RYR3: variants seen among roughly 807,000 people sequenced by gnomAD.
RYR3 encodes the protein brain ryanodine receptor-calcium release channel.
Under a neutral mutation model 584.3 loss-of-function variants are expected in RYR3, and 207 were observed. The ratio of observed to expected loss-of-function variants is 0.35; its 90% confidence interval spans 0.32 to 0.40. The LOEUF (loss-of-function observed/expected upper bound fraction) is 0.40. RYR3 is among the 10% of genes least tolerant of loss of function. RYR3 has a pLI of 1.00. For missense variants in RYR3, 5,616 were observed against 6,089.2 expected, an observed-to-expected ratio of 0.92 and a Z score of 2.59; for synonymous variants, 2,416 against 2,248.5, an observed-to-expected ratio of 1.07 and a Z score of -2.11.
chr15:33,811,495 A>G (rs2076541340), intron 72 of RYR3, among the ~76,000 whole-genome samples: 1 of 141,842 alleles, frequency 7.1e-6, no homozygotes, highest in Non-Finnish European at 1.5e-5. Flanking sequence ...TGGGTAACAG[A>G]GCAAGACTCC....
chr15:33,444,715 G>T (rs954231074), intron 1 of RYR3, among the ~76,000 whole-genome samples: 1 of 152,216 alleles, frequency 6.6e-6, no homozygotes, highest in African/African-American at 2.4e-5. Flanking sequence ...ACACAGCAAA[G>T]CTGGCAAAAG....
chr15:33,778,470 G>T (rs943616451), intron 64 of RYR3, among the ~76,000 whole-genome samples: 1 of 152,146 alleles, frequency 6.6e-6, no homozygotes, highest in African/African-American at 2.4e-5. Flanking sequence ...AGTTGTCACC[G>T]AGGGAATTGG....
chr15:33,493,300 TTC>T (rs1020072626), intron 2 of RYR3, among the ~76,000 whole-genome samples: 2 of 152,168 alleles, frequency 1.3e-5, no homozygotes, highest in African/African-American at 2.4e-5. Flanking sequence ...ATTCTGCCTT[TTC>T]TCTCTCCTGG....
intron 7 of RYR3, among the ~76,000 whole-genome samples, chr15:33,542,001 T>C (rs1431063428): frequency 6.6e-6 from 1 of 152,162 alleles, no homozygotes; most frequent in Non-Finnish European, 1.5e-5. Context: ...AATTATTTCC[T>C]GGTCCCAACA....
At chr15:33,648,468 T>C (rs1220213419) in intron 30 of RYR3, among the ~76,000 whole-genome samples, 1 of 152,242 alleles carries the variant, frequency 6.6e-6, no homozygotes, top group Non-Finnish European at 1.5e-5. Flanking sequence ...CCATGGATTG[T>C]ATGAGCCCTG....
intron 1 of RYR3, among the ~76,000 whole-genome samples, chr15:33,359,747 T>C (rs1057177275): frequency 6.6e-6 from 1 of 152,032 alleles, no homozygotes; most frequent in African/African-American, 2.4e-5. Flanking sequence ...GCCTCCGAAG[T>C]AGCTGGGACT....
chr15:33,792,836 T>C (rs929485420), intron 67 of RYR3, among the ~76,000 whole-genome samples: 2 of 152,196 alleles, frequency 1.3e-5, no homozygotes, highest in African/African-American at 4.8e-5. Context: ...TAACCAAATA[T>C]GTGTCAGTTG....
intron 2 of RYR3, among the ~76,000 whole-genome samples, chr15:33,493,925 AATGATGATG>A (rs572261298): frequency 1.9e-4 from 29 of 149,390 alleles, no homozygotes; most frequent in East Asian, 7.7e-4. Flanking sequence ...TCAAAATAAT[AATGATGATG>A]ATGATGATGA....
At chr15:33,422,644 C>CAG (rs143193767) in intron 1 of RYR3, among the ~76,000 whole-genome samples, 8 of 151,442 alleles carry the variant, frequency 5.3e-5, no homozygotes, top group Admixed American at 2.6e-4. Context: ...CGTGGGCAAG[C>CAG]AGAGAGAGAG....
chr15:33,593,601 G>A (rs1220037593), intron 16 of RYR3, among the ~76,000 whole-genome samples: 6 of 152,154 alleles, frequency 3.9e-5, no homozygotes, highest in Middle Eastern at 3.4e-3. Flanking sequence ...GTCTGGCTTC[G>A]GTACACAGGG....
At chr15:33,645,104 A>G (rs561579868) in intron 28 of RYR3, among the ~76,000 whole-genome samples, 2 of 152,282 alleles carry the variant, frequency 1.3e-5, no homozygotes, top group East Asian at 3.9e-4. Context: ...TTACCCACTC[A>G]TGACTTGATG....
At chr15:33,405,800 C>A (rs1175769093) in intron 1 of RYR3, among the ~76,000 whole-genome samples, 1 of 152,190 alleles carries the variant, frequency 6.6e-6, no homozygotes, top group Non-Finnish European at 1.5e-5. Flanking sequence ...ACGATTTAGA[C>A]AATGTCATTA....
chr15:33,322,304 T>C (rs767253991), intron 1 of RYR3, among the ~76,000 whole-genome samples: 17 of 152,072 alleles, frequency 1.1e-4, no homozygotes, highest in Non-Finnish European at 1.8e-4. Flanking sequence ...CTTTTCGGCA[T>C]AGTGAAAAGC....
At chr15:33,692,453 C>A (rs186527149) in intron 38 of RYR3, among the ~76,000 whole-genome samples, 2 of 152,108 alleles carry the variant, frequency 1.3e-5, no homozygotes, top group East Asian at 3.9e-4. Context: ...AATTTTATTT[C>A]TTTTCATAGT....
intron 10 of RYR3, among the ~76,000 whole-genome samples, chr15:33,560,909 G>GA (rs923553974): frequency 4.0e-5 from 6 of 151,642 alleles, no homozygotes; most frequent in Admixed American, 2.6e-4. Flanking sequence ...GTTGCTGCTT[G>GA]AAAAAAATAA....
intron 2 of RYR3, among the ~76,000 whole-genome samples, chr15:33,489,936 CCTTA>C (rs10544053): frequency 0.58 from 88,499 of 151,696 alleles, 25,916 homozygotes; most frequent in Middle Eastern, 0.67. Context: ...CCCATTCATT[CCTTA>C]AAGTTTCATT....
At chr15:33,864,953 T>C in intron 103 of RYR3, 178 bp from the exon 104 acceptor site, 1 of 551,066 alleles carries the variant, frequency 1.8e-6, no homozygotes, top group Non-Finnish European at 3.2e-6. Context: ...CAGAGAGACA[T>C]GGCTTCTTGC....
intron 46 of RYR3, among the ~76,000 whole-genome samples, chr15:33,727,453 A>G (rs1300217463): frequency 6.6e-6 from 1 of 152,244 alleles, no homozygotes; most frequent in East Asian, 1.9e-4. Flanking sequence ...ATGCTGTGGA[A>G]TACATCACAT....
At chr15:33,834,212 G>A (rs747795691) in intron 86 of RYR3, among the ~76,000 whole-genome samples, 1 of 151,870 alleles carries the variant, frequency 6.6e-6, no homozygotes, top group African/African-American at 2.4e-5. Flanking sequence ...TGAACCCAGT[G>A]AGCAGAGGTT....
Sources: gnomAD v4.1 joint callset for allele counts (sites outside exome capture counted in the v4.1 genomes callset) on GRCh38, gnomAD v4.1.1 for gene constraint, MANE v1.5 for transcripts, NCBI Gene and HGNC (gene_info 2026-07-23, HGNC 2026-07-21) for gene names.